ATG4A: variants seen among roughly 807,000 people sequenced by gnomAD.
ATG4A encodes the protein cysteine protease ATG4A.
A neutral mutation model predicts 38.4 loss-of-function variants in ATG4A; 22 were observed. The ratio of observed to expected loss-of-function variants is 0.57; its 90% CI spans 0.41 to 0.82. ATG4A has a LOEUF of 0.82. Among genes scored for constraint, ATG4A ranks in the 40% least tolerant of loss-of-function variants. ATG4A has a pLI of 0.00. For synonymous variants in ATG4A, 86 were observed against 100.7 expected, an observed-to-expected ratio of 0.85 and a Z score of 0.88; for missense variants, 220 against 290.0, an observed-to-expected ratio of 0.76 and a Z score of 1.75.
chrX:108,114,609 T>A (rs2032453762), intron 1 of ATG4A, among the ~76,000 whole-genome samples: 1 of 112,614 alleles, frequency 8.9e-6, no homozygotes, highest in Non-Finnish European at 1.9e-5. Context: ...AAACCACAAG[T>A]GGTTTTGCTC....
At chrX:108,131,003 A>G (rs1318018611) in intron 3 of ATG4A, among the ~76,000 whole-genome samples, 1 of 111,731 alleles carries the variant, frequency 9.0e-6, no homozygotes, top group African/African-American at 3.3e-5. Context: ...GAAGTCTTCA[A>G]GCAGAAAACA....
intron 9 of ATG4A, among the ~76,000 whole-genome samples, chrX:108,138,942 G>A (rs1437035280): frequency 9.0e-6 from 1 of 111,647 alleles, no homozygotes; most frequent in East Asian, 2.8e-4. Context: ...GCATACCCAG[G>A]GCCTAAACAC....
At chrX:108,093,780 G>C (rs766747816) in intron 1 of ATG4A, among the ~76,000 whole-genome samples, 1 of 112,105 alleles carries the variant, frequency 8.9e-6, no homozygotes, top group South Asian at 3.7e-4. Context: ...GTGAAGTGGT[G>C]TCTCATTGTG....
intron 4 of ATG4A, among the ~76,000 whole-genome samples, chrX:108,133,074 G>A (rs1251715168): frequency 8.9e-6 from 1 of 112,178 alleles, no homozygotes; most frequent in Non-Finnish European, 1.9e-5. Flanking sequence ...AAAAGAAGTT[G>A]GATGTGGTTC....
intron 9 of ATG4A, among the ~76,000 whole-genome samples, chrX:108,140,591 A>G (rs1445943021): frequency 4.8e-5 from 5 of 104,829 alleles, no homozygotes; most frequent in African/African-American, 1.7e-4. Context: ...ATATACATAT[A>G]TATACATTAT....
upstream of ATG4A, among the ~76,000 whole-genome samples, chrX:108,090,507 G>T (rs1325210590): frequency 8.9e-6 from 1 of 111,909 alleles, no homozygotes; most frequent in Non-Finnish European, 1.9e-5. Flanking sequence ...GTAAAGATAA[G>T]GCCATTTTCA....
chrX:108,145,782 T>A (rs1022276201), intron 9 of ATG4A, among the ~76,000 whole-genome samples: 2 of 112,365 alleles, frequency 1.8e-5, no homozygotes, highest in Non-Finnish European at 3.8e-5. Flanking sequence ...AGGGAGCCAA[T>A]GTAGGGGTTC....
chrX:108,127,332 C>T (rs760245486), intron 2 of ATG4A, among the ~76,000 whole-genome samples: 150 of 112,158 alleles, frequency 1.3e-3, no homozygotes, highest in Non-Finnish European at 2.0e-3. Context: ...CTGTCAGAGG[C>T]AGGAGTGAGG....
chrX:108,148,011 C>T (rs1434533865), intron 9 of ATG4A, among the ~76,000 whole-genome samples: 1 of 84,334 alleles, frequency 1.2e-5, no homozygotes, highest in Admixed American at 1.3e-4. Context: ...AGGGACAGAA[C>T]TAATGGAAAA....
At chrX:108,139,298 G>T (rs1013688364) in intron 9 of ATG4A, among the ~76,000 whole-genome samples, 4 of 111,952 alleles carry the variant, frequency 3.6e-5, no homozygotes, top group Non-Finnish European at 3.8e-5. Context: ...TCAGTCTCAG[G>T]TTCCTTTTAT....
chrX:108,094,295 A>G (rs1389730182), intron 1 of ATG4A, among the ~76,000 whole-genome samples: 1 of 112,035 alleles, frequency 8.9e-6, no homozygotes, highest in Non-Finnish European at 1.9e-5. Context: ...GTGGATGTAG[A>G]AATTGTCCTA....
chrX:108,089,878 G>GT (rs1173787029), upstream of ATG4A, among the ~76,000 whole-genome samples: 3 of 111,774 alleles, frequency 2.7e-5, no homozygotes, highest in Admixed American at 9.4e-5. Context: ...AAAAGCTATA[G>GT]TAGTCATTAT....
upstream of ATG4A, among the ~76,000 whole-genome samples, chrX:108,090,741 G>A (rs993782176): frequency 8.9e-6 from 1 of 112,296 alleles, no homozygotes. Context: ...CTGTGAGCAG[G>A]AGGGCAGAAA....
intron 1 of ATG4A, among the ~76,000 whole-genome samples, chrX:108,097,792 C>G (rs2031873135): frequency 8.9e-6 from 1 of 112,047 alleles, no homozygotes; most frequent in African/African-American, 3.2e-5. Flanking sequence ...CACCATGAAA[C>G]TTCTCCATTC....
At chrX:108,098,475 C>T (rs988011471) in intron 1 of ATG4A, among the ~76,000 whole-genome samples, 2 of 111,411 alleles carry the variant, frequency 1.8e-5, no homozygotes, top group African/African-American at 3.3e-5. Context: ...TTGCATTTTA[C>T]ATAATTATAA....
At chrX:108,148,508 C>G (rs1280075603) in intron 9 of ATG4A, among the ~76,000 whole-genome samples, 2 of 80,251 alleles carry the variant, frequency 2.5e-5, no homozygotes, top group African/African-American at 1.1e-4. Flanking sequence ...AAGCTCCACT[C>G]CATGCACATA....
chrX:108,126,508 A>G (rs985080304), intron 2 of ATG4A, among the ~76,000 whole-genome samples: 13 of 112,045 alleles, frequency 1.2e-4, no homozygotes, highest in Non-Finnish European at 1.7e-4. Context: ...TTCAAAAAAC[A>G]CGGACCCACT....
At chrX:108,145,411 G>A in intron 9 of ATG4A, among the ~76,000 whole-genome samples, 1 of 112,790 alleles carries the variant, frequency 8.9e-6, no homozygotes, top group Non-Finnish European at 1.9e-5. Context: ...TGGACAAAAA[G>A]GCATTTGCCA....
intron 9 of ATG4A, among the ~76,000 whole-genome samples, chrX:108,139,009 C>A (rs944497878): frequency 9.0e-6 from 1 of 111,720 alleles, no homozygotes; most frequent in African/African-American, 3.3e-5. Context: ...AAAGTTGGTA[C>A]AGGACACCTG....
Sources: gnomAD v4.1 joint callset for allele counts (sites outside exome capture counted in the v4.1 genomes callset) on GRCh38, gnomAD v4.1.1 for gene constraint, MANE v1.5 for transcripts, NCBI Gene and HGNC (gene_info 2026-07-23, HGNC 2026-07-21) for gene names.